The following CARF variants were observed in gnomAD, a reference collection of about 807,000 sequenced individuals.
CARF encodes the protein calcium-responsive transcription factor.
A neutral mutation model predicts 82.0 loss-of-function variants in CARF; 57 were observed. That is an observed-to-expected ratio of 0.70 (90% CI 0.56 to 0.87). The LOEUF (loss-of-function observed/expected upper bound fraction) is 0.87, where lower values mean the gene tolerates loss of function less well. Ranked by LOEUF, CARF falls within the 40% of genes least tolerant of loss-of-function variation. The probability of loss-of-function intolerance (pLI) is 0.00; values close to 1 mark genes in which losing one functional copy is unlikely to be tolerated. For synonymous variants in CARF, 268 were observed against 290.1 expected, an observed-to-expected ratio of 0.92 and a Z score of 0.77; for missense variants, 771 against 855.8, an observed-to-expected ratio of 0.90 and a Z score of 1.24.
chr2:202,975,629 C>G (rs137972954), intron 13 of CARF, among the ~76,000 whole-genome samples: 22 of 152,178 alleles, frequency 1.4e-4, no homozygotes, highest in Non-Finnish European at 3.2e-4. Context: ...AACCACTAAT[C>G]TTTATTTTTA....
chr2:202,926,854 G>T (rs1288301020), intron 3 of CARF, among the ~76,000 whole-genome samples: 1 of 152,040 alleles, frequency 6.6e-6, no homozygotes, highest in Non-Finnish European at 1.5e-5. Context: ...ACAGGGTCTT[G>T]CTCTGTCGCC....
Position 202,912,741 on chromosome 2 carries a change from GAGA to G in CARF, c.-688_-686del, listed in dbSNP as rs924713987. ...AGCCCAAGGACGCGCCATCGCCGCG[GAGA>G]AGGAGCCGGACCCCTTGGGCGGAGC... is the stretch of plus-strand genomic sequence containing the variant. On this transcript the variant is annotated 5_prime_UTR_variant, in exon 1 of 17. Transcript: ENST00000438828. The G allele has an allele frequency of 1.3e-5, 2 of 151,344 alleles. No homozygotes were observed. Among genetic ancestry groups the G allele is most frequent in the Non-Finnish European group, 3.0e-5 (2 of 67,792 alleles). 9.4% of individuals were successfully genotyped at this position (151,344 alleles called of 1,614,324 possible). A position where few individuals can be genotyped will look rare whatever the true frequency, so the allele number is the denominator to read the frequency against.
At chr2:202,977,822 C>T (rs1203183762) in intron 14 of CARF, among the ~76,000 whole-genome samples, 1 of 152,078 alleles carries the variant, frequency 6.6e-6, no homozygotes, top group East Asian at 1.9e-4. Context: ...CATAACTTCA[C>T]CCCCTATATA....
intron 2 of CARF, among the ~76,000 whole-genome samples, chr2:202,922,540 C>T (rs1017164827): frequency 3.3e-5 from 5 of 152,298 alleles, no homozygotes; most frequent in African/African-American, 4.8e-5. Flanking sequence ...CTATGCCTCA[C>T]GCCTATAATC....
rs1232506099 is a variant in CARF at position 202,970,027 on chromosome 2, A to T, written c.1062A>T (p.Leu354=). Residue 354 remains leucine (L), a synonymous_variant, in exon 11 of 17, where the codon CTA becomes CTT. Coordinates refer to ENST00000438828, the MANE Select transcript of CARF (RefSeq NM_024744.17). ...RMEQEKAFNM[L]KKNLVDAGGV... The stretch of plus-strand genomic sequence containing the variant: ...AGCAGGAGAAAGCTTTTAACATGCT[A>T]AAGAAGAACTTGGTAGATGCTGGTG... 6.3e-7 allele frequency: 1 copy of T among 1,574,854 alleles called. No individual in the cohort carries two copies. Among genetic ancestry groups the T allele is most frequent in the Admixed American group, 2.1e-5 (1 of 48,740 alleles).
intron 8 of CARF, among the ~76,000 whole-genome samples, chr2:202,960,790 C>T (rs2059286000): frequency 6.6e-6 from 1 of 151,688 alleles, no homozygotes; most frequent in African/African-American, 2.4e-5. Flanking sequence ...TCCCTCCCTC[C>T]CTCCTTCCTT....
Position 202,977,277 on chromosome 2 carries a change from G to C in CARF, c.1503G>C (p.Trp501Cys). The change falls in exon 14 of 17, where the codon TGG (tryptophan) becomes TGC (cysteine). Residue 501 changes from tryptophan (W) to cysteine (C), a missense_variant. By Grantham distance (215) the Trp-to-Cys change is radical. Transcript: ENST00000438828. The part of the protein sequence containing the change: ...NSEIIPATLQ[W>C]TTDSGNILKE... ...AAATGTTCCCATTTCAGCTTCAATGGACTACAGACAGTGGGAATATTCTCA... is the reference window on the plus strand; with the variant it reads ...AAATGTTCCCATTTCAGCTTCAATGCACTACAGACAGTGGGAATATTCTCA... The C allele has an allele frequency of 6.2e-7, 1 of 1,610,478 alleles. No individual in the cohort carries two copies. Among genetic ancestry groups the C allele is most frequent in the Non-Finnish European group, 8.5e-7 (1 of 1,178,178 alleles).
At chr2:202,915,244 T>C (rs939372307) in intron 1 of CARF, among the ~76,000 whole-genome samples, 2 of 152,094 alleles carry the variant, frequency 1.3e-5, no homozygotes, top group Admixed American at 6.6e-5. Context: ...CTCGATCCCC[T>C]GACCTTGTGA....
intron 1 of CARF, among the ~76,000 whole-genome samples, chr2:202,915,142 G>A (rs1351959713): frequency 6.6e-6 from 1 of 151,462 alleles, no homozygotes; most frequent in Non-Finnish European, 1.5e-5. Flanking sequence ...TCAGCTTCCC[G>A]AGTAGCTGGG....
chr2:202,927,528 G>A (rs868090394), intron 3 of CARF, among the ~76,000 whole-genome samples: 2 of 151,836 alleles, frequency 1.3e-5, no homozygotes, highest in African/African-American at 4.8e-5. Flanking sequence ...ATAATGTGGG[G>A]TTTTTGGCTT....
Position 202,977,242 on chromosome 2 carries a change from T to C in CARF, c.1495-27T>C, listed in dbSNP as rs752270394. On this transcript the variant is annotated intron_variant, in intron 13 of 16. Transcript: ENST00000438828. ...ATTTTTCAATATAAGAGCTTTATTT[T>C]TACTGAAATAAATGTTCCCATTTCA... 4.5e-6 allele frequency: 7 copies of C among 1,542,564 alleles called. No homozygotes were observed. The East Asian group carries it at 1.6e-4, about 35-fold the overall frequency.
chr2:202,925,483 A>G (rs937534336), intron 3 of CARF: 6 of 259,884 alleles, frequency 2.3e-5, no homozygotes, highest in East Asian at 1.1e-4. Context: ...AAGCATGTAC[A>G]AGGAGTATTA....
intron 8 of CARF, 92 bp from the exon 9 acceptor site, chr2:202,961,145 A>G (rs2059304270): frequency 1.0e-6 from 1 of 978,234 alleles, no homozygotes; most frequent in Admixed American, 2.5e-5. Flanking sequence ...GTGAAAGGTG[A>G]TGAGTCTTCC....
chr2:202,979,826 G>GAAAAA (rs1374991441), intron 14 of CARF, among the ~76,000 whole-genome samples: 2 of 151,584 alleles, frequency 1.3e-5, no homozygotes, highest in Non-Finnish European at 2.9e-5. Context: ...GAAAAGAAAA[G>GAAAAA]AAACTGAGTT....
chr2:202,961,508 C>T lies in CARF; in HGVS notation c.832+82C>T, dbSNP rs202242604. On this transcript the variant is annotated intron_variant, in intron 9 of 16. Coordinates refer to ENST00000438828, the MANE Select transcript of CARF (RefSeq NM_024744.17). ...AAATGTGATTTTCCTAAGGTGATAA[C>T]ATTTTTATTTTGGTAGCTGACAATT... 7.5e-4 allele frequency: 940 copies of T among 1,255,188 alleles called. 6 individuals are homozygous for T. Among genetic ancestry groups the T allele is most frequent in the Admixed American group, 7.8e-4 (39 of 49,970 alleles). The allele number at this position is 1,255,188 out of a possible 1,614,324, so 77.8% of individuals were successfully genotyped here.
In CARF at chr2:202,947,732, C is replaced by T. The variant is rs185956760; in HGVS notation, c.306+4765C>T. On this transcript the variant is annotated intron_variant, in intron 5 of 16. Transcript: ENST00000438828. ...TTCTTTTGTAAATTTGTTTTAAGTT[C>T]GATATAGATGCTGGATAATAGACCT... is the stretch of plus-strand genomic sequence containing the variant. 3.8e-3 allele frequency among the ~76,000 whole-genome samples: 585 copies of T among 152,180 alleles called. 9 individuals carry two copies. The highest frequency in any genetic ancestry group is 0.01 in the Middle Eastern group (3 of 294).
At chr2:202,925,162 T>G in intron 3 of CARF, 1 of 322,712 alleles carries the variant, frequency 3.1e-6, no homozygotes, top group South Asian at 2.8e-5. Flanking sequence ...AGTGGAGGAC[T>G]ATCAAAAGTG....
intron 14 of CARF, among the ~76,000 whole-genome samples, chr2:202,981,140 G>C (rs1046317066): frequency 6.6e-6 from 1 of 152,194 alleles, no homozygotes; most frequent in Non-Finnish European, 1.5e-5. Flanking sequence ...GACCGGTTTT[G>C]TGGAACACAA....
rs960280028 is a variant in CARF, at chr2:202,964,130, G to A, written c.832+2704G>A. On this transcript the variant is annotated intron_variant, in intron 9 of 16. Coordinates refer to ENST00000438828, the MANE Select transcript of CARF (RefSeq NM_024744.17). ...CAGCCAAGTGAGTCCTGAAAAAACCGTTTTCTGAGCTTTTTGGATTTCAGA... is the reference window on the plus strand; with the variant it reads ...CAGCCAAGTGAGTCCTGAAAAAACCATTTTCTGAGCTTTTTGGATTTCAGA... 2.0e-5 allele frequency among the ~76,000 whole-genome samples: 3 copies of A among 152,056 alleles called. No individual in the cohort carries two copies. The East Asian group carries it at 5.8e-4, about 29-fold the overall frequency.
Sources: allele counts gnomAD v4.1 joint callset (sites outside exome capture counted in the v4.1 genomes callset), GRCh38; gene constraint gnomAD v4.1.1; transcripts MANE v1.5; gene names NCBI Gene and HGNC (gene_info 2026-07-23, HGNC 2026-07-21).